The following DAGLA variants were observed in gnomAD, a reference collection of about 807,000 sequenced individuals.
DAGLA encodes diacylglycerol lipase alpha.
DAGLA carries 22 observed loss-of-function variants against 102.6 expected under a neutral mutation model. That is an observed-to-expected ratio of 0.21 (90% CI 0.15 to 0.31). The LOEUF is 0.31. Ranked by LOEUF, DAGLA falls within the 10% of genes least tolerant of loss-of-function variation. DAGLA has a pLI of 1.00. For missense variants in DAGLA, 927 were observed against 1,446.6 expected (o/e 0.64, Z 5.83); for synonymous variants, 578 against 628.9 (o/e 0.92, Z 1.21).
chr11:61,698,416 G>A (rs1028818770), intron 1 of DAGLA, among the ~76,000 whole-genome samples: 2 of 152,226 alleles, frequency 1.3e-5, no homozygotes, highest in African/African-American at 4.8e-5. Flanking sequence ...TGCAGTTCCG[G>A]TGCACTTCCC....
intron 3 of DAGLA, among the ~76,000 whole-genome samples, chr11:61,722,383 C>G (rs919485385): frequency 3.9e-5 from 6 of 152,150 alleles, no homozygotes; most frequent in African/African-American, 1.4e-4. Context: ...GTCAGGAGTT[C>G]AAGACCAGCC....
At chr11:61,739,391 C>T (rs756223328) in intron 16 of DAGLA, 74 bp from the exon 17 acceptor site, 12 of 1,434,964 alleles carry the variant, frequency 8.4e-6, no homozygotes, top group African/African-American at 2.8e-5. Flanking sequence ...CCCCCCTTCT[C>T]GGTCCCCCTG....
intron 1 of DAGLA, among the ~76,000 whole-genome samples, chr11:61,716,436 A>C (rs970349172): frequency 6.6e-6 from 1 of 152,186 alleles, no homozygotes; most frequent in Non-Finnish European, 1.5e-5. Flanking sequence ...TGGAGTAAGC[A>C]AAGCATGGAC....
At chr11:61,705,580 C>T (rs1021514510) in intron 1 of DAGLA, among the ~76,000 whole-genome samples, 7 of 152,240 alleles carry the variant, frequency 4.6e-5, no homozygotes, top group African/African-American at 1.4e-4. Flanking sequence ...GCAGCCTCCC[C>T]GCCTGAGCAC....
chr11:61,743,727 G>A lies in DAGLA; in HGVS notation c.2367G>A (p.Leu789=). The change falls in exon 20 of 20, where the codon CTG becomes CTA. Residue 789 remains leucine, a synonymous_variant. Coordinates refer to ENST00000257215, the MANE Select transcript of DAGLA (RefSeq NM_006133.3). ...TMESLSDTES[L]YSFDSRRSSG... ...AGAGCCTCTCGGACACTGAGTCCCTGTACAGCTTCGACTCGCGCCGCTCCT... is the reference window on the plus strand; with the variant it reads ...AGAGCCTCTCGGACACTGAGTCCCTATACAGCTTCGACTCGCGCCGCTCCT... 7 of 1,611,184 alleles carry A rather than the reference G, an allele frequency of 4.3e-6. No homozygotes were observed. In the South Asian group the frequency reaches 7.7e-5, roughly 18 times the overall value.
intron 19 of DAGLA, among the ~76,000 whole-genome samples, chr11:61,742,093 A>G (rs2065485247): frequency 6.6e-6 from 1 of 152,238 alleles, no homozygotes; most frequent in South Asian, 2.1e-4. Flanking sequence ...AGACACATAT[A>G]CAAGGACACA....
intron 1 of DAGLA, among the ~76,000 whole-genome samples, chr11:61,695,724 T>C (rs2065059589): frequency 6.6e-6 from 1 of 152,234 alleles, no homozygotes; most frequent in African/African-American, 2.4e-5. Flanking sequence ...GGGTACTGAC[T>C]TCTGGCTTAA....
At chr11:61,717,553 C>T (rs1217760212) in intron 1 of DAGLA, among the ~76,000 whole-genome samples, 5 of 152,170 alleles carry the variant, frequency 3.3e-5, no homozygotes, top group African/African-American at 4.8e-5. Flanking sequence ...TAGGGATAAT[C>T]GACATTTTAC....
At chr11:61,726,888 G>A (rs1264098947) in intron 6 of DAGLA, among the ~76,000 whole-genome samples, 3 of 152,244 alleles carry the variant, frequency 2.0e-5, no homozygotes, top group East Asian at 1.9e-4. Context: ...GAAAGCCCCC[G>A]AGGTTCCCTG....
At chr11:61,697,625 C>T (rs1452759385) in intron 1 of DAGLA, among the ~76,000 whole-genome samples, 1 of 152,184 alleles carries the variant, frequency 6.6e-6, no homozygotes, top group Non-Finnish European at 1.5e-5. Flanking sequence ...GCATTTGTGA[C>T]TCAGTGGCTC....
At chr11:61,698,851 G>A (rs1565248775) in intron 1 of DAGLA, among the ~76,000 whole-genome samples, 1 of 152,346 alleles carries the variant, frequency 6.6e-6, no homozygotes, top group East Asian at 1.9e-4. Flanking sequence ...CTTGGGGGTT[G>A]GCGGGCCCTG....
At position 61,720,731 on chromosome 11, in the gene DAGLA, G is replaced by T. The variant is rs763341853; in HGVS notation, c.148G>T (p.Ala50Ser). 3 of 1,613,888 alleles carry T rather than the reference G, an allele frequency of 1.9e-6. No homozygotes were observed. The Admixed American group carries it at 5.0e-5, about 27-fold the overall frequency. The stretch of plus-strand genomic sequence containing the variant: ...CGGCCTGGTCTATAACCCGCACGAG[G>T]CCTGCTCCCTGAACCTGGTGGACCA... ...LFGLVYNPHE[A>S]CSLNLVDHGR... The change falls in exon 3 of 20, where the codon GCC becomes TCC. Residue 50 changes from alanine (A) to serine (S), a missense_variant. This residue lies in a region of DAGLA where 231 missense variants were observed against 439.8 expected (regional missense o/e 0.53). Coordinates refer to ENST00000257215, the MANE Select transcript of DAGLA (RefSeq NM_006133.3).
At chr11:61,740,059 G>T (rs1364422039) in intron 17 of DAGLA, among the ~76,000 whole-genome samples, 1 of 152,254 alleles carries the variant, frequency 6.6e-6, no homozygotes, top group Non-Finnish European at 1.5e-5. Flanking sequence ...TGAGCAAGGT[G>T]GGGGCTGCGC....
intron 6 of DAGLA, 42 bp from the exon 7 acceptor site, chr11:61,728,111 C>G (rs751060201): frequency 3.1e-6 from 5 of 1,611,602 alleles, no homozygotes; most frequent in Admixed American, 1.7e-5. Context: ...GTCCTCTCTC[C>G]TGCTCCCCTG....
Position 61,731,312 on chromosome 11 carries a change from T to C in DAGLA, c.850-5T>C, listed in dbSNP as rs2065372089. 1 of 1,613,546 alleles carries C rather than the reference T, an allele frequency of 6.2e-7. No individual in the cohort carries two copies. Among genetic ancestry groups the C allele is most frequent in the African/African-American group, 1.3e-5 (1 of 75,040 alleles). ...GGTGACCGCCCTCTGCCTCCTCTCT[T>C]CTAGCAAGAGATGCTCCGCTACAAA... On this transcript the variant is annotated splice_polypyrimidine_tract_variant and splice_region_variant and intron_variant, in intron 8 of 19. Transcript: ENST00000257215.
chr11:61,695,358 C>T lies in DAGLA; in HGVS notation c.-45+14854C>T, dbSNP rs182018577. Among the ~76,000 whole-genome samples the T allele has an allele frequency of 1.3e-4, 20 of 152,362 alleles. No individual in the cohort carries two copies. The East Asian group carries it at 2.5e-3, about 19-fold the overall frequency. On this transcript the variant is annotated intron_variant, in intron 1 of 19. Transcript: ENST00000257215. ...GAGCTCTGTGCTCACTGACCCGCCCCGGTTTCCTTGTTATTCTGCACTGTG... is the reference window on the plus strand; with the variant it reads ...GAGCTCTGTGCTCACTGACCCGCCCTGGTTTCCTTGTTATTCTGCACTGTG...
At chr11:61,699,590 A>G (rs1239590420) in intron 1 of DAGLA, among the ~76,000 whole-genome samples, 1 of 152,234 alleles carries the variant, frequency 6.6e-6, no homozygotes, top group African/African-American at 2.4e-5. Context: ...ATGGCCCAGC[A>G]GAGACTCCAG....
intron 2 of DAGLA, 81 bp downstream of exon 2, chr11:61,720,331 C>T (rs771252067): frequency 2.4e-4 from 333 of 1,404,660 alleles, no homozygotes; most frequent in Non-Finnish European, 2.7e-4. Flanking sequence ...TTTGTTCCTC[C>T]CTGCTTGGGC....
chr11:61,702,064 C>T (rs2065113927), intron 1 of DAGLA, among the ~76,000 whole-genome samples: 1 of 152,092 alleles, frequency 6.6e-6, no homozygotes, highest in African/African-American at 2.4e-5. Context: ...GCATGCACCA[C>T]CACATCTGGC....
Sources: gnomAD v4.1 joint callset for allele counts (sites outside exome capture counted in the v4.1 genomes callset) on GRCh38, gnomAD v4.1.1 for gene constraint, gnomAD v4.1.1 regional missense constraint, MANE v1.5 for transcripts, NCBI Gene and HGNC (gene_info 2026-07-23, HGNC 2026-07-21) for gene names.